CCNYL1: variants seen among roughly 807,000 people sequenced by gnomAD.
The protein encoded by CCNYL1 is cyclin-Y-like protein 1.
A neutral mutation model predicts 44.2 loss-of-function variants in CCNYL1; 16 were observed. The ratio of observed to expected loss-of-function variants is 0.36; its 90% CI spans 0.25 to 0.55. The LOEUF (loss-of-function observed/expected upper bound fraction) is 0.55, where lower values mean the gene tolerates loss of function less well. CCNYL1 is among the 20% of genes least tolerant of loss of function. CCNYL1 has a pLI of 0.85. For missense variants in CCNYL1, 348 were observed against 451.8 expected (o/e 0.77, Z 2.08); for synonymous variants, 159 against 163.2 (o/e 0.97, Z 0.20).
At position 207,755,542 on chromosome 2, in the gene CCNYL1, C is replaced by G. The variant is rs989518786; in HGVS notation, c.*1844C>G. On this transcript the variant is annotated 3_prime_UTR_variant, in exon 10 of 10. Transcript: ENST00000295414. ...AAGTAGTTACCCGCAGAGCTGTGCT[C>G]TATATGCTTTGATTACCGCAGTTTC... The G allele has an allele frequency of 6.6e-6, 1 of 152,164 alleles. No individual in the cohort carries two copies. Among genetic ancestry groups the G allele is most frequent in the African/African-American group, 2.4e-5 (1 of 41,432 alleles). The allele number at this position is 152,164 out of a possible 1,614,324, so 9.4% of individuals were successfully genotyped here. A position where few individuals can be genotyped will look rare whatever the true frequency, so the allele number is the denominator to read the frequency against.
At chr2:207,741,387 GA>G (rs547060678) in intron 6 of CCNYL1, among the ~76,000 whole-genome samples, 243 of 152,302 alleles carry the variant, frequency 1.6e-3, no homozygotes, top group African/African-American at 5.5e-3. Context: ...AAAATTTTCT[GA>G]GTTGTGCCTG....
At chr2:207,735,863 C>CA (rs1194666037) in intron 4 of CCNYL1, among the ~76,000 whole-genome samples, 182 of 138,516 alleles carry the variant, frequency 1.3e-3, no homozygotes, top group African/African-American at 1.4e-3. Context: ...GACTCTGTCT[C>CA]AAAAAAAAAA....
intron 1 of CCNYL1, among the ~76,000 whole-genome samples, chr2:207,722,229 C>A (rs563171323): frequency 2.0e-5 from 3 of 151,914 alleles, no homozygotes; most frequent in Admixed American, 1.3e-4. Context: ...CACGCCATCA[C>A]GCCTGGCTGA....
At chr2:207,719,771 G>A (rs1478799507) in intron 1 of CCNYL1, among the ~76,000 whole-genome samples, 1 of 151,452 alleles carries the variant, frequency 6.6e-6, no homozygotes, top group Non-Finnish European at 1.5e-5. Flanking sequence ...CTCTGTTGCC[G>A]AGGCTGGAGT....
chr2:207,744,440 C>G (rs1350134366), intron 7 of CCNYL1, among the ~76,000 whole-genome samples: 6 of 152,000 alleles, frequency 3.9e-5, no homozygotes, highest in Non-Finnish European at 2.9e-5. Context: ...AATCTTGGCT[C>G]ACTGCAACCT....
In CCNYL1 at chr2:207,737,398, T is replaced by C. The variant is rs762482190; in HGVS notation, c.432-13T>C. 1 of 1,600,908 alleles carries C rather than the reference T, an allele frequency of 6.2e-7. No individual in the cohort carries two copies. The highest frequency in any genetic ancestry group is 8.5e-7 in the Non-Finnish European group (1 of 1,169,792). ...AATCAGTTGTTAAAAATAATTTTTT[T>C]TTCCCTTCACAGTGTGACCTTAGCA... On this transcript the variant is annotated splice_polypyrimidine_tract_variant and intron_variant, in intron 4 of 9. Coordinates refer to ENST00000295414, the MANE Select transcript of CCNYL1 (RefSeq NM_001330218.2).
intron 3 of CCNYL1, 148 bp from the exon 4 acceptor site, chr2:207,733,799 G>C (rs2091745776): frequency 1.9e-6 from 1 of 539,906 alleles, no homozygotes; most frequent in Non-Finnish European, 3.4e-6. Context: ...GTTTCCCATA[G>C]AGCTGCACAT....
Position 207,748,313 on chromosome 2 carries a change from C to T in CCNYL1, c.806+1100C>T, listed in dbSNP as rs370599826. Among the ~76,000 whole-genome samples, 27 of 152,338 alleles carry T rather than the reference C, an allele frequency of 1.8e-4. 1 individual carries two copies. Among genetic ancestry groups the T allele is most frequent in the African/African-American group, 6.0e-4 (25 of 41,586 alleles). ...TCGAGAGGCTCCCTGGGCACTCGGA[C>T]AACCACAGCACCACTTTGGGGGCCT... On this transcript the variant is annotated intron_variant, in intron 8 of 9. Transcript: ENST00000295414.
chr2:207,718,615 GA>G (rs2091615612), intron 1 of CCNYL1, among the ~76,000 whole-genome samples: 1 of 152,176 alleles, frequency 6.6e-6, no homozygotes. Flanking sequence ...ACACTTAAGA[GA>G]AATACAAACG....
At chr2:207,717,703 T>G (rs2105817729) in intron 1 of CCNYL1, among the ~76,000 whole-genome samples, 1 of 152,190 alleles carries the variant, frequency 6.6e-6, no homozygotes, top group South Asian at 2.1e-4. Context: ...ACACAGACAG[T>G]TACTTTGGAG....
chr2:207,731,959 A>G (rs1051504498), intron 3 of CCNYL1, among the ~76,000 whole-genome samples: 1 of 151,948 alleles, frequency 6.6e-6, no homozygotes, highest in African/African-American at 2.4e-5. Flanking sequence ...ATGGGAGCCC[A>G]CCACCACGCT....
chr2:207,729,447 C>A (rs1292028519), intron 3 of CCNYL1, among the ~76,000 whole-genome samples: 1 of 152,078 alleles, frequency 6.6e-6, no homozygotes, highest in East Asian at 1.9e-4. Context: ...CCCATGCATT[C>A]CTTTTTCCTA....
intron 8 of CCNYL1, among the ~76,000 whole-genome samples, chr2:207,748,745 A>C (rs958103604): frequency 1.4e-4 from 22 of 152,214 alleles, no homozygotes; most frequent in African/African-American, 4.8e-4. Flanking sequence ...ACTTGTGACT[A>C]AAAAGGAACC....
rs996045303 is a variant in CCNYL1, at chr2:207,731,419, G to T, written c.331-2528G>T. Among the ~76,000 whole-genome samples, 6 of 152,052 alleles carry T rather than the reference G, an allele frequency of 3.9e-5. No homozygotes were observed. The South Asian group carries it at 1.0e-3, about 26-fold the overall frequency. ...TTTCTTGTTAAAGATTGTCATTTGT[G>T]CAGACTAAATGAAGATGAATGATAT... On this transcript the variant is annotated intron_variant, in intron 3 of 9. Coordinates refer to ENST00000295414, the MANE Select transcript of CCNYL1 (RefSeq NM_001330218.2).
intron 1 of CCNYL1, among the ~76,000 whole-genome samples, chr2:207,716,503 T>C (rs904643041): frequency 1.3e-5 from 2 of 152,202 alleles, no homozygotes; most frequent in Non-Finnish European, 2.9e-5. Flanking sequence ...AGTGAAATAA[T>C]GTCATAAATT....
intron 7 of CCNYL1, among the ~76,000 whole-genome samples, chr2:207,746,553 G>A (rs4675706): frequency 0.38 from 57,750 of 152,114 alleles, 13,016 homozygotes; most frequent in Non-Finnish European, 0.5. Context: ...AGGCAGCAGA[G>A]ATATCTGACC....
chr2:207,725,790 G>C (rs1377450662), intron 2 of CCNYL1, among the ~76,000 whole-genome samples: 1 of 152,170 alleles, frequency 6.6e-6, no homozygotes, highest in Non-Finnish European at 1.5e-5. Flanking sequence ...AATCAGAACT[G>C]TTGTATTTTT....
intron 2 of CCNYL1, among the ~76,000 whole-genome samples, chr2:207,726,164 A>G (rs915447488): frequency 2.6e-5 from 4 of 152,214 alleles, no homozygotes; most frequent in African/African-American, 4.8e-5. Flanking sequence ...TCTAGCATCA[A>G]AGGAAGAGGC....
chr2:207,750,771 TG>T, intron 8 of CCNYL1, 185 bp from the exon 9 acceptor site: 1 of 529,776 alleles, frequency 1.9e-6, no homozygotes, highest in Non-Finnish European at 3.3e-6. Flanking sequence ...TCCAGAGTGC[TG>T]GGATGCAGAA....
Sources: allele counts gnomAD v4.1 joint callset (sites outside exome capture counted in the v4.1 genomes callset), GRCh38; gene constraint gnomAD v4.1.1; transcripts MANE v1.5; gene names NCBI Gene and HGNC (gene_info 2026-07-23, HGNC 2026-07-21).